SPATA17: variants seen among roughly 807,000 people sequenced by gnomAD.
The protein encoded by SPATA17 is spermatogenesis-associated protein 17.
Under a neutral mutation model 62.2 loss-of-function variants are expected in SPATA17, and 53 were observed. The ratio of observed to expected loss-of-function variants is 0.85; its 90% CI spans 0.68 to 1.07. The LOEUF (loss-of-function observed/expected upper bound fraction) is 1.07. SPATA17 is among the 50% of genes least tolerant of loss of function. The pLI is 0.00. For synonymous variants in SPATA17, 146 were observed against 146.8 expected (o/e 0.99, Z 0.04); for missense variants, 466 against 425.5 (o/e 1.10, Z -0.84).
chr1:217,788,893 G>GA (rs1261665074), intron 8 of SPATA17, among the ~76,000 whole-genome samples: 1 of 152,144 alleles, frequency 6.6e-6, no homozygotes, highest in Non-Finnish European at 1.5e-5. Context: ...CTTCCTAAAG[G>GA]TTTTCAAATC....
intron 8 of SPATA17, among the ~76,000 whole-genome samples, chr1:217,793,253 C>T (rs1477730412): frequency 1.8e-5 from 2 of 113,530 alleles, no homozygotes; most frequent in African/African-American, 6.8e-5. Flanking sequence ...CGGAGTCTTG[C>T]TCTGTTGCCC....
chr1:217,753,056 A>G (rs1471266760), intron 6 of SPATA17, among the ~76,000 whole-genome samples: 1 of 152,158 alleles, frequency 6.6e-6, no homozygotes, highest in Non-Finnish European at 1.5e-5. Flanking sequence ...ATACCACCCA[A>G]CCCACGGGGA....
At chr1:217,769,223 T>C (rs1673378835) in intron 6 of SPATA17, among the ~76,000 whole-genome samples, 1 of 152,216 alleles carries the variant, frequency 6.6e-6, no homozygotes, top group South Asian at 2.1e-4. Context: ...AAAATCAAAG[T>C]GTACCTTTCG....
chr1:217,747,141 T>C (rs6690319), intron 6 of SPATA17, among the ~76,000 whole-genome samples: 69,690 of 151,948 alleles, frequency 0.46, 17,488 homozygotes, highest in Non-Finnish European at 0.58. Flanking sequence ...TAAAGTAAAA[T>C]GCAAATATTG....
intron 3 of SPATA17, among the ~76,000 whole-genome samples, chr1:217,662,303 G>A (rs768895297): frequency 6.6e-5 from 10 of 152,072 alleles, no homozygotes; most frequent in African/African-American, 9.7e-5. Context: ...ATATATAACT[G>A]TAGTCCTAGA....
chr1:217,772,001 T>C (rs1000724479), intron 6 of SPATA17, among the ~76,000 whole-genome samples: 17 of 152,346 alleles, frequency 1.1e-4, no homozygotes, highest in South Asian at 8.3e-4. Flanking sequence ...CATAAAAAAC[T>C]AACAGACTTC....
chr1:217,669,939 C>G (rs987877933), intron 4 of SPATA17, among the ~76,000 whole-genome samples: 6 of 152,016 alleles, frequency 3.9e-5, no homozygotes, highest in African/African-American at 4.8e-5. Context: ...AGCCAGCTCA[C>G]TCTAGTATTT....
chr1:217,743,695 C>T (rs546801830), intron 6 of SPATA17, among the ~76,000 whole-genome samples: 2 of 152,038 alleles, frequency 1.3e-5, no homozygotes, highest in Non-Finnish European at 2.9e-5. Flanking sequence ...CTGCAACCTA[C>T]ACCTCCTGGG....
At chr1:217,690,806 A>C (rs2102911954) in intron 5 of SPATA17, among the ~76,000 whole-genome samples, 1 of 137,888 alleles carries the variant, frequency 7.3e-6, no homozygotes, top group South Asian at 2.4e-4. Flanking sequence ...ATGTCCCTAC[A>C]AAGGACATGA....
At chr1:217,864,708 C>T (rs886643817) in intron 10 of SPATA17, among the ~76,000 whole-genome samples, 4 of 151,876 alleles carry the variant, frequency 2.6e-5, no homozygotes, top group Non-Finnish European at 4.4e-5. Flanking sequence ...TGCAACCAGA[C>T]GAAAGCCAAG....
intron 5 of SPATA17, among the ~76,000 whole-genome samples, chr1:217,713,169 A>C (rs1002176586): frequency 2.0e-5 from 3 of 152,196 alleles, no homozygotes; most frequent in Non-Finnish European, 4.4e-5. Context: ...AAGGTGTGGC[A>C]AATGGAAAAT....
chr1:217,861,065 G>A (rs1675888246), intron 9 of SPATA17, among the ~76,000 whole-genome samples: 1 of 151,886 alleles, frequency 6.6e-6, no homozygotes, highest in Admixed American at 6.6e-5. Flanking sequence ...ACTGCTTCAG[G>A]GGTAGTGCAG....
At chr1:217,750,948 G>A (rs1295056218) in intron 6 of SPATA17, among the ~76,000 whole-genome samples, 1 of 152,144 alleles carries the variant, frequency 6.6e-6, no homozygotes, top group South Asian at 2.1e-4. Flanking sequence ...ATAAAAATCT[G>A]AGTTGGTCAT....
rs7517113 is a variant in SPATA17, at chr1:217,683,512, C to T, written c.395+151C>T. On this transcript the variant is annotated intron_variant, in intron 5 of 10. Transcript: ENST00000366933. ...GGAGTGCAGTGGCGCAATCTCGGCT[C>T]ACTGCAATCTCCTCCTCTTGGGTTC... is the stretch of plus-strand genomic sequence containing the variant. The T allele has an allele frequency of 2.5e-3, 1,375 of 547,324 alleles. 19 individuals are homozygous for T. The highest frequency in any genetic ancestry group is 0.025 in the African/African-American group (1,238 of 49,682). The allele number at this position is 547,324 out of a possible 1,614,324, so 33.9% of individuals were successfully genotyped here. A position where few individuals can be genotyped will look rare whatever the true frequency, so the allele number is the denominator to read the frequency against.
intron 4 of SPATA17, among the ~76,000 whole-genome samples, chr1:217,670,347 C>T (rs948525300): frequency 1.3e-5 from 2 of 152,086 alleles, no homozygotes; most frequent in Non-Finnish European, 2.9e-5. Flanking sequence ...CTCCCTTCTG[C>T]GCTTCTAGGG....
chr1:217,731,322 A>G lies in SPATA17; in HGVS notation c.396-10653A>G, dbSNP rs184077107. Among the ~76,000 whole-genome samples the G allele has an allele frequency of 2.0e-5, 3 of 152,060 alleles. No homozygotes were observed. In the East Asian group the frequency reaches 5.8e-4, roughly 29 times the overall value. On this transcript the variant is annotated intron_variant, in intron 5 of 10. Coordinates refer to ENST00000366933, the MANE Select transcript of SPATA17 (RefSeq NM_138796.4). ...GACCTCTATCTTGATTGTTTTAACC[A>G]TCTATTCAAATGCCTGCTATCATTG...
chr1:217,840,918 A>G (rs906721672), intron 9 of SPATA17, among the ~76,000 whole-genome samples: 1 of 151,998 alleles, frequency 6.6e-6, no homozygotes, highest in Non-Finnish European at 1.5e-5. Context: ...TGCTTTAGAA[A>G]TTGAGGAAAT....
At chr1:217,841,365 T>C (rs1675391969) in intron 9 of SPATA17, among the ~76,000 whole-genome samples, 1 of 152,038 alleles carries the variant, frequency 6.6e-6, no homozygotes, top group Non-Finnish European at 1.5e-5. Flanking sequence ...ATTTATTTTC[T>C]TGCTAAAAAT....
intron 9 of SPATA17, among the ~76,000 whole-genome samples, chr1:217,808,293 C>A (rs944821558): frequency 2.0e-5 from 3 of 151,660 alleles, no homozygotes; most frequent in Non-Finnish European, 2.9e-5. Flanking sequence ...GCTCAGTGAT[C>A]CCCAGTATTT....
Sources: gnomAD v4.1 joint callset for allele counts (sites outside exome capture counted in the v4.1 genomes callset) on GRCh38, gnomAD v4.1.1 for gene constraint, MANE v1.5 for transcripts, NCBI Gene and HGNC (gene_info 2026-07-23, HGNC 2026-07-21) for gene names.